FGD5: variants seen among roughly 807,000 people sequenced by gnomAD.
The protein encoded by FGD5 is FYVE, RhoGEF and PH domain-containing protein 5.
A neutral mutation model predicts 133.4 loss-of-function variants in FGD5; 28 were observed. The ratio of observed to expected loss-of-function variants is 0.21; its 90% CI spans 0.16 to 0.29. The LOEUF (loss-of-function observed/expected upper bound fraction) is 0.29, where lower values mean the gene tolerates loss of function less well. FGD5 is among the 10% of genes least tolerant of loss of function. The probability of loss-of-function intolerance (pLI) is 1.00; values close to 1 mark genes in which losing one functional copy is unlikely to be tolerated. For synonymous variants in FGD5, 810 were observed against 776.5 expected (o/e 1.04, Z -0.72); for missense variants, 1,858 against 1,895.2 (o/e 0.98, Z 0.36).
At chr3:14,853,171 T>C (rs2037200883) in intron 1 of FGD5, among the ~76,000 whole-genome samples, 1 of 152,090 alleles carries the variant, frequency 6.6e-6, no homozygotes, top group Admixed American at 6.5e-5. Context: ...TCTGCAAAGA[T>C]TGCAATGTCC....
At chr3:14,848,980 G>A (rs889222622) in intron 1 of FGD5, among the ~76,000 whole-genome samples, 3 of 152,194 alleles carry the variant, frequency 2.0e-5, no homozygotes, top group Non-Finnish European at 4.4e-5. Context: ...TAGAGCCCTT[G>A]GCAAAGGGTG....
At chr3:14,814,696 C>T (rs779468700), upstream of FGD5, among the ~76,000 whole-genome samples, 1 of 152,154 alleles carries the variant, frequency 6.6e-6, no homozygotes, top group African/African-American at 2.4e-5. Flanking sequence ...CTTCAGAAGC[C>T]AGAGCCTGCT....
intron 1 of FGD5, among the ~76,000 whole-genome samples, chr3:14,863,024 T>C (rs1276946183): frequency 6.6e-6 from 1 of 152,130 alleles, no homozygotes; most frequent in Non-Finnish European, 1.5e-5. Context: ...TCTCCTCCCC[T>C]GATGTCCCCC....
intron 2 of FGD5, among the ~76,000 whole-genome samples, chr3:14,877,197 C>T (rs1023088785): frequency 9.2e-5 from 14 of 152,246 alleles, no homozygotes; most frequent in Middle Eastern, 3.2e-3. Flanking sequence ...TATTAAATGG[C>T]CCAGTTGGGC....
Position 14,921,980 on chromosome 3 carries a change from A to G in FGD5, c.3632A>G (p.Lys1211Arg). 1.3e-6 allele frequency: 2 copies of G among 1,569,998 alleles called. No individual in the cohort carries two copies. The highest frequency in any genetic ancestry group is 2.3e-5 in the South Asian group (2 of 85,218). The change falls in exon 14 of 20, where the codon AAG becomes AGG. Residue 1211 changes from lysine to arginine, a missense_variant. By Grantham distance (26) the Lys-to-Arg change is conservative. This residue lies in a region of FGD5 where 1,824 missense variants were observed against 1,848.9 expected (regional missense o/e 0.99). Transcript: ENST00000285046. ...AGCAGAGCCCTCCCTGAGGACTACAAGGCCCAGGCGCTGGCTGCATTCCAC... is the reference window on the plus strand; with the variant it reads ...AGCAGAGCCCTCCCTGAGGACTACAGGGCCCAGGCGCTGGCTGCATTCCAC... Reference protein sequence around the residue: ...CLSRALPEDYKAQALAAFHHS... With the variant: ...CLSRALPEDYRAQALAAFHHS...
chr3:14,838,495 A>C (rs959116420), intron 1 of FGD5, among the ~76,000 whole-genome samples: 4 of 152,214 alleles, frequency 2.6e-5, no homozygotes, highest in African/African-American at 4.8e-5. Context: ...TGCCACTGCC[A>C]TCTGACCCCC....
At chr3:14,818,240 C>T (rs2036408285), upstream of FGD5, among the ~76,000 whole-genome samples, 1 of 152,210 alleles carries the variant, frequency 6.6e-6, no homozygotes, top group African/African-American at 2.4e-5. Context: ...ATGAAATTTG[C>T]ATGCCCATGA....
At chr3:14,898,930 G>T (rs2038188057) in intron 7 of FGD5, 104 bp downstream of exon 7, 3 of 1,031,060 alleles carry the variant, frequency 2.9e-6, no homozygotes, top group Middle Eastern at 2.5e-4. Flanking sequence ...ACCATGTCAG[G>T]CAGGTGTTGG....
At chr3:14,852,588 C>T (rs1051129140) in intron 1 of FGD5, among the ~76,000 whole-genome samples, 10 of 152,144 alleles carry the variant, frequency 6.6e-5, no homozygotes, top group Non-Finnish European at 2.9e-5. Context: ...TGACTCATAT[C>T]TCATTAATGC....
At chr3:14,843,601 A>G (rs183576175) in intron 1 of FGD5, among the ~76,000 whole-genome samples, 12 of 146,982 alleles carry the variant, frequency 8.2e-5, no homozygotes, top group Non-Finnish European at 1.5e-4. Context: ...CCACCAAGGG[A>G]GTGGTTTCCA....
At chr3:14,878,316 G>A (rs116271750) in intron 2 of FGD5, among the ~76,000 whole-genome samples, 2,714 of 152,306 alleles carry the variant, frequency 0.018, 78 homozygotes, top group African/African-American at 0.062. Flanking sequence ...GGATGTGATT[G>A]ATTCCAGAGT....
At chr3:14,860,172 C>G (rs1355612991) in intron 1 of FGD5, among the ~76,000 whole-genome samples, 1 of 152,180 alleles carries the variant, frequency 6.6e-6, no homozygotes, top group Non-Finnish European at 1.5e-5. Flanking sequence ...TGAGGCCCCA[C>G]AAGTCCACAT....
intron 18 of FGD5, among the ~76,000 whole-genome samples, chr3:14,930,574 C>CT (rs138742241): frequency 3.7e-4 from 56 of 152,098 alleles, no homozygotes; most frequent in Admixed American, 9.2e-4. Flanking sequence ...TCCAGTCAGA[C>CT]TTTTTTTTCC....
At chr3:14,870,100 G>C (rs1006090638) in intron 2 of FGD5, among the ~76,000 whole-genome samples, 3 of 152,086 alleles carry the variant, frequency 2.0e-5, no homozygotes, top group African/African-American at 4.8e-5. Flanking sequence ...GCTCTTGGAT[G>C]AGGAAGACAC....
chr3:14,830,457 C>T (rs920936611), intron 1 of FGD5, among the ~76,000 whole-genome samples: 6 of 117,722 alleles, frequency 5.1e-5, no homozygotes, highest in Middle Eastern at 4.2e-3. Flanking sequence ...ATTAAGACCC[C>T]CAACTATTTT....
rs185711999 is a variant in FGD5 at position 14,823,400 on chromosome 3, A to G, written c.2525+1804A>G. Among the ~76,000 whole-genome samples, 268 of 152,330 alleles carry G rather than the reference A, an allele frequency of 1.8e-3. 2 individuals carry two copies. Among genetic ancestry groups the G allele is most frequent in the Admixed American group, 0.016 (251 of 15,304 alleles). On this transcript the variant is annotated intron_variant, in intron 1 of 19. Transcript: ENST00000285046. ...AAGAGTTTCTCTGTGACTGAGGCATATACTGTTCCCCTCTAATATCCCTCC... is the reference window on the plus strand; with the variant it reads ...AAGAGTTTCTCTGTGACTGAGGCATGTACTGTTCCCCTCTAATATCCCTCC...
At chr3:14,879,372 C>A (rs1379929462) in intron 2 of FGD5, among the ~76,000 whole-genome samples, 5 of 152,236 alleles carry the variant, frequency 3.3e-5, no homozygotes, top group Non-Finnish European at 5.9e-5. Flanking sequence ...TGTCTGATAT[C>A]CGGCAGGTTT....
chr3:14,931,588 G>T (rs1379864314), intron 18 of FGD5: 1 of 152,098 alleles, frequency 6.6e-6, no homozygotes, highest in Non-Finnish European at 1.5e-5. Flanking sequence ...TACAAAGTCT[G>T]TATTGTTTAT....
chr3:14,842,360 C>T (rs530366585), intron 1 of FGD5, among the ~76,000 whole-genome samples: 81 of 152,180 alleles, frequency 5.3e-4, no homozygotes, highest in African/African-American at 1.9e-3. Context: ...GGTGTCTAAA[C>T]CCCCACCGGA....
Sources: allele counts gnomAD v4.1 joint callset (sites outside exome capture counted in the v4.1 genomes callset), GRCh38; gene constraint gnomAD v4.1.1; regional missense constraint gnomAD v4.1.1; transcripts MANE v1.5; gene names NCBI Gene and HGNC (gene_info 2026-07-23, HGNC 2026-07-21).